CSMD1: variants seen among roughly 807,000 people sequenced by gnomAD.
CSMD1 encodes the protein CUB and sushi domain-containing protein 1.
In CSMD1, 213 loss-of-function variants were observed where a neutral mutation model predicts 417.5. The ratio of observed to expected loss-of-function variants is 0.51; its 90% confidence interval spans 0.46 to 0.57. The LOEUF (loss-of-function observed/expected upper bound fraction) is 0.57. Among genes scored for constraint, CSMD1 ranks in the 20% least tolerant of loss-of-function variants. The pLI, the probability that CSMD1 is intolerant of heterozygous loss-of-function variation, is 0.00. For synonymous variants in CSMD1, 2,862 were observed against 1,736.8 expected (o/e 1.65, Z -16.11); for missense variants, 6,923 against 4,529.7 (o/e 1.53, Z -15.17).
chr8:4,406,181 G>A lies in CSMD1; in HGVS notation c.415+13772C>T, dbSNP rs557151734. On this transcript the variant is annotated intron_variant, in intron 3 of 69. Coordinates refer to ENST00000635120, the MANE Select transcript of CSMD1 (RefSeq NM_033225.6). The stretch of plus-strand genomic sequence containing the variant: ...ATTAGAATTTAGATATGCTGAGTAG[G>A]ATTTTTCCACTGGCACCGCATTCTA... 2.6e-5 allele frequency among the ~76,000 whole-genome samples: 4 copies of A among 152,158 alleles called. No individual in the cohort carries two copies. In the East Asian group the frequency reaches 7.7e-4, roughly 29 times the overall value.
chr8:4,232,765 A>C (rs1432339894), intron 3 of CSMD1, among the ~76,000 whole-genome samples: 1 of 152,236 alleles, frequency 6.6e-6, no homozygotes, highest in African/African-American at 2.4e-5. Context: ...ATCTGGTTAA[A>C]ACCCTAATTG....
chr8:4,126,673 G>A (rs187442623), intron 3 of CSMD1, among the ~76,000 whole-genome samples: 36 of 152,234 alleles, frequency 2.4e-4, no homozygotes, highest in African/African-American at 7.7e-4. Flanking sequence ...TAGATTCTGA[G>A]GGTTTATTAA....
chr8:3,658,381 TG>T (rs1554502298), intron 7 of CSMD1, among the ~76,000 whole-genome samples: 1 of 151,242 alleles, frequency 6.6e-6, no homozygotes, highest in Non-Finnish European at 1.5e-5. Flanking sequence ...TCTTTTTATT[TG>T]TAAATCATCC....
intron 1 of CSMD1, among the ~76,000 whole-genome samples, chr8:4,950,800 C>G (rs1808692452): frequency 6.6e-6 from 1 of 151,998 alleles, no homozygotes; most frequent in South Asian, 2.1e-4. Flanking sequence ...GTAAGCATCA[C>G]CACTCAACCA....
Position 3,227,079 on chromosome 8 carries a change from T to A in CSMD1, c.4345+2961A>T, listed in dbSNP as rs556487043. Among the ~76,000 whole-genome samples, 105 of 152,182 alleles carry A rather than the reference T, an allele frequency of 6.9e-4. 1 individual carries two copies. The highest frequency in any genetic ancestry group is 2.5e-3 in the African/African-American group (102 of 41,546). On this transcript the variant is annotated intron_variant, in intron 27 of 69. Coordinates refer to ENST00000635120, the MANE Select transcript of CSMD1 (RefSeq NM_033225.6). ...ATAAATATATATGGCTGATGGCAGGTTAAATCGGTGTGACTGCTCTGAAAG... is the reference window on the plus strand; with the variant it reads ...ATAAATATATATGGCTGATGGCAGGATAAATCGGTGTGACTGCTCTGAAAG...
intron 37 of CSMD1, among the ~76,000 whole-genome samples, chr8:3,164,522 T>G (rs1163009687): frequency 6.6e-6 from 1 of 152,208 alleles, no homozygotes; most frequent in Admixed American, 6.5e-5. Context: ...GAACATAGAT[T>G]ACTACATTTA....
intron 7 of CSMD1, among the ~76,000 whole-genome samples, chr8:3,666,425 T>C (rs887721017): frequency 6.6e-6 from 1 of 152,212 alleles, no homozygotes; most frequent in Non-Finnish European, 1.5e-5. Context: ...TAATGTATAC[T>C]TGCTAAAATA....
intron 1 of CSMD1, among the ~76,000 whole-genome samples, chr8:4,748,338 A>C (rs892002571): frequency 6.6e-6 from 1 of 152,272 alleles, no homozygotes; most frequent in Non-Finnish European, 1.5e-5. Context: ...AAATGTGTGC[A>C]TATGGAAATT....
intron 10 of CSMD1, among the ~76,000 whole-genome samples, chr8:3,507,638 C>G (rs368724054): frequency 2.6e-5 from 4 of 152,290 alleles, no homozygotes; most frequent in Middle Eastern, 3.4e-3. Flanking sequence ...AAAAGTGTTC[C>G]TATCTCTCCA....
chr8:3,652,926 A>G (rs1182868738), intron 7 of CSMD1, among the ~76,000 whole-genome samples: 3 of 152,184 alleles, frequency 2.0e-5, no homozygotes, highest in African/African-American at 2.4e-5. Context: ...ATAAATGAAC[A>G]CCACTAAAGA....
At chr8:3,049,780 G>C (rs1417894232) in intron 50 of CSMD1, among the ~76,000 whole-genome samples, 1 of 152,056 alleles carries the variant, frequency 6.6e-6, no homozygotes, top group Non-Finnish European at 1.5e-5. Flanking sequence ...GGTGATGATG[G>C]TATGTCAATG....
At chr8:4,687,477 G>C (rs1404131725) in intron 1 of CSMD1, among the ~76,000 whole-genome samples, 1 of 152,184 alleles carries the variant, frequency 6.6e-6, no homozygotes. Flanking sequence ...GATCAATTTA[G>C]AAGCAAATTG....
chr8:4,154,591 G>C (rs910285012), intron 3 of CSMD1, among the ~76,000 whole-genome samples: 3 of 152,142 alleles, frequency 2.0e-5, no homozygotes, highest in African/African-American at 7.2e-5. Flanking sequence ...GAGGTCTTTG[G>C]CAATAGGAAT....
chr8:4,950,550 A>G lies in CSMD1; in HGVS notation c.85+43782T>C, dbSNP rs192000282. ...TAAAAAAGTAAGTTGTTTTTAGTAA[A>G]GCAACTAACTTTTTATAAATTTAGT... On this transcript the variant is annotated intron_variant, in intron 1 of 69. Coordinates refer to ENST00000635120, the MANE Select transcript of CSMD1 (RefSeq NM_033225.6). Among the ~76,000 whole-genome samples the G allele has an allele frequency of 6.4e-4, 97 of 152,342 alleles. 5 individuals are homozygous for G. The South Asian group carries it at 0.011, about 18-fold the overall frequency.
At chr8:4,816,522 G>T (rs149846099) in intron 1 of CSMD1, among the ~76,000 whole-genome samples, 2 of 152,020 alleles carry the variant, frequency 1.3e-5, no homozygotes, top group Non-Finnish European at 2.9e-5. Flanking sequence ...GCCACCATGC[G>T]CAGCCAAATC....
chr8:4,679,560 T>A (rs1805907739), intron 1 of CSMD1, among the ~76,000 whole-genome samples: 2 of 152,106 alleles, frequency 1.3e-5, no homozygotes, highest in African/African-American at 4.8e-5. Flanking sequence ...GCACAGATAA[T>A]TTTTTTCACA....
intron 10 of CSMD1, among the ~76,000 whole-genome samples, chr8:3,503,745 T>G (rs569035815): frequency 8.7e-4 from 132 of 152,288 alleles, no homozygotes; most frequent in African/African-American, 3.0e-3. Context: ...GGCTTAGTTT[T>G]CCCTGTCTCA....
At chr8:3,511,668 G>C (rs531845495) in intron 10 of CSMD1, among the ~76,000 whole-genome samples, 5 of 149,428 alleles carry the variant, frequency 3.3e-5, no homozygotes, top group African/African-American at 1.0e-4. Flanking sequence ...AAAGGCAGGA[G>C]AATCCCTTGA....
Position 3,641,685 on chromosome 8 carries a change from G to C in CSMD1, c.1010-24888C>G, listed in dbSNP as rs145614333. On this transcript the variant is annotated intron_variant, in intron 7 of 69. Transcript: ENST00000635120. ...CAAATACAGCTTTTGCCCCAACAGA[G>C]GGGGCCAGGAGCTCAGAACAGGCTG... 1.9e-3 allele frequency among the ~76,000 whole-genome samples: 290 copies of C among 152,268 alleles called. 1 individual carries two copies. The highest frequency in any genetic ancestry group is 6.6e-3 in the African/African-American group (275 of 41,540).
Sources: gnomAD v4.1 joint callset for allele counts (sites outside exome capture counted in the v4.1 genomes callset) on GRCh38, gnomAD v4.1.1 for gene constraint, MANE v1.5 for transcripts, NCBI Gene and HGNC (gene_info 2026-07-23, HGNC 2026-07-21) for gene names.